PTPRO: variants seen among roughly 807,000 people sequenced by gnomAD.
The protein encoded by PTPRO is receptor-type tyrosine-protein phosphatase O.
A neutral mutation model predicts 145.2 loss-of-function variants in PTPRO; 62 were observed. The ratio of observed to expected loss-of-function variants is 0.43; its 90% CI spans 0.35 to 0.53. PTPRO has a LOEUF of 0.53. PTPRO is among the 20% of genes least tolerant of loss of function. PTPRO has a pLI of 0.01. For missense variants in PTPRO, 1,345 were observed against 1,482.7 expected, an observed-to-expected ratio of 0.91 and a Z score of 1.53; for synonymous variants, 565 against 514.7, an observed-to-expected ratio of 1.10 and a Z score of -1.32.
At chr12:15,457,480 C>T (rs1941205909) in intron 1 of PTPRO, among the ~76,000 whole-genome samples, 1 of 152,030 alleles carries the variant, frequency 6.6e-6, no homozygotes, top group Non-Finnish European at 1.5e-5. Flanking sequence ...AATCCATTTA[C>T]CTTTAAAGTA....
intron 1 of PTPRO, among the ~76,000 whole-genome samples, chr12:15,405,930 T>C (rs961975179): frequency 1.3e-5 from 2 of 152,326 alleles, no homozygotes; most frequent in Non-Finnish European, 2.9e-5. Flanking sequence ...ATATTTTCAA[T>C]TGTGGAATCA....
rs540751297 is a variant in PTPRO at position 15,409,387 on chromosome 12, A to G, written c.76-74587A>G. ...GACACTTAGAAAACAGCATAAGCCA[A>G]GATAAAATTTGCTTTCATTTGTCAA... On this transcript the variant is annotated intron_variant, in intron 1 of 26. Coordinates refer to ENST00000281171, the MANE Select transcript of PTPRO (RefSeq NM_030667.3). Among the ~76,000 whole-genome samples the G allele has an allele frequency of 2.0e-5, 3 of 152,314 alleles. No individual in the cohort carries two copies. The South Asian group carries it at 6.2e-4, about 32-fold the overall frequency.
chr12:15,483,305 T>C (rs1249913060), intron 1 of PTPRO, among the ~76,000 whole-genome samples: 1 of 152,114 alleles, frequency 6.6e-6, no homozygotes, highest in African/African-American at 2.4e-5. Flanking sequence ...CATAAATACA[T>C]ATTTGGAGAC....
chr12:15,581,897 A>AT (rs1416721659), intron 23 of PTPRO, 96 bp downstream of exon 23: 1 of 1,489,926 alleles, frequency 6.7e-7, no homozygotes, highest in African/African-American at 1.4e-5. Flanking sequence ...CGCTAGAGGA[A>AT]TTACAGACAC....
chr12:15,497,143 G>C (rs1347329516), intron 2 of PTPRO, 102 bp from the exon 3 acceptor site: 1 of 1,090,812 alleles, frequency 9.2e-7, no homozygotes, highest in Admixed American at 1.7e-5. Context: ...AAAATTATGC[G>C]TGAATTTCTG....
At chr12:15,358,213 T>A (rs1270734548) in intron 1 of PTPRO, among the ~76,000 whole-genome samples, 1 of 119,124 alleles carries the variant, frequency 8.4e-6, no homozygotes, top group Non-Finnish European at 1.6e-5. Flanking sequence ...AAGGAGAACA[T>A]CACACTCTGG....
intron 7 of PTPRO, among the ~76,000 whole-genome samples, chr12:15,512,933 G>A (rs1268195038): frequency 6.6e-6 from 1 of 151,866 alleles, no homozygotes; most frequent in African/African-American, 2.4e-5. Context: ...GGCAGAGGTT[G>A]CAGTGAGCCA....
At chr12:15,481,855 T>A (rs945879887) in intron 1 of PTPRO, among the ~76,000 whole-genome samples, 1 of 152,164 alleles carries the variant, frequency 6.6e-6, no homozygotes, top group African/African-American at 2.4e-5. Context: ...ATTGTGTGCT[T>A]TGGTTGCTGA....
intron 24 of PTPRO, among the ~76,000 whole-genome samples, chr12:15,588,703 G>C (rs571425417): frequency 3.9e-5 from 6 of 152,162 alleles, no homozygotes; most frequent in Non-Finnish European, 8.8e-5. Flanking sequence ...CAGACCTAGA[G>C]TTAGGGTATG....
intron 1 of PTPRO, among the ~76,000 whole-genome samples, chr12:15,478,754 C>G (rs1312324007): frequency 6.6e-6 from 1 of 152,096 alleles, no homozygotes; most frequent in African/African-American, 2.4e-5. Flanking sequence ...TCACTGCAAG[C>G]TCCACCTCCC....
chr12:15,424,135 A>G (rs1289632368), intron 1 of PTPRO, among the ~76,000 whole-genome samples: 1 of 152,202 alleles, frequency 6.6e-6, no homozygotes, highest in Non-Finnish European at 1.5e-5. Flanking sequence ...TTGCAAGAAT[A>G]TGAAGTGTAG....
chr12:15,563,779 C>A (rs2135592273), intron 17 of PTPRO, among the ~76,000 whole-genome samples: 1 of 152,178 alleles, frequency 6.6e-6, no homozygotes, highest in Admixed American at 6.5e-5. Flanking sequence ...TTTGTTACTT[C>A]CTAGTTTCTT....
chr12:15,409,885 A>G (rs1939749719), intron 1 of PTPRO, among the ~76,000 whole-genome samples: 1 of 152,212 alleles, frequency 6.6e-6, no homozygotes, highest in Non-Finnish European at 1.5e-5. Flanking sequence ...CGCTATCTCC[A>G]GCATTGGGGA....
At chr12:15,451,828 T>C (rs546945106) in intron 1 of PTPRO, among the ~76,000 whole-genome samples, 1 of 152,280 alleles carries the variant, frequency 6.6e-6, no homozygotes, top group East Asian at 1.9e-4. Context: ...TGAAAACCTC[T>C]GGGGTACAGC....
chr12:15,392,335 T>A (rs1340945085), intron 1 of PTPRO, among the ~76,000 whole-genome samples: 1 of 152,214 alleles, frequency 6.6e-6, no homozygotes, highest in Non-Finnish European at 1.5e-5. Context: ...ACCAACTGGC[T>A]ATAGCCATAT....
At chr12:15,416,619 G>A (rs61908006) in intron 1 of PTPRO, among the ~76,000 whole-genome samples, 5,412 of 151,390 alleles carry the variant, frequency 0.036, 164 homozygotes, top group South Asian at 0.063. Context: ...GCGCCCAGCC[G>A]GTTCCTCTCT....
At chr12:15,483,393 C>T (rs1035330903) in intron 1 of PTPRO, among the ~76,000 whole-genome samples, 1 of 152,142 alleles carries the variant, frequency 6.6e-6, no homozygotes, top group African/African-American at 2.4e-5. Context: ...GTCTCTTCCT[C>T]ACTAGCATAG....
In PTPRO at chr12:15,597,047, G is replaced by A. The variant is rs1047258567; in HGVS notation, c.*974G>A. The A allele has an allele frequency of 6.6e-6, 1 of 152,604 alleles. No homozygotes were observed. The highest frequency in any genetic ancestry group is 2.4e-5 in the African/African-American group (1 of 41,414). 9.5% of individuals were successfully genotyped at this position (152,604 alleles called of 1,614,324 possible). A position where few individuals can be genotyped will look rare whatever the true frequency, so the allele number is the denominator to read the frequency against. On this transcript the variant is annotated 3_prime_UTR_variant, in exon 27 of 27. Transcript: ENST00000281171. ...AAGAGCTGGGAATTTATGAAGTTATGGCAATGAACTGCAGCATGCTGGGAC... is the reference window on the plus strand; with the variant it reads ...AAGAGCTGGGAATTTATGAAGTTATAGCAATGAACTGCAGCATGCTGGGAC...
At chr12:15,575,690 A>G (rs1944169177) in intron 19 of PTPRO, among the ~76,000 whole-genome samples, 1 of 152,204 alleles carries the variant, frequency 6.6e-6, no homozygotes, top group South Asian at 2.1e-4. Flanking sequence ...AAATTACCAC[A>G]ATTGTCGTGG....
Sources: allele counts gnomAD v4.1 joint callset (sites outside exome capture counted in the v4.1 genomes callset), GRCh38; gene constraint gnomAD v4.1.1; transcripts MANE v1.5; gene names NCBI Gene and HGNC (gene_info 2026-07-23, HGNC 2026-07-21).